Variants in MINDY4B observed in about 807,000 individuals in gnomAD.
MINDY4B encodes inactive ubiquitin carboxyl-terminal hydrolase MINDY-4B.
Under a neutral mutation model 16.7 loss-of-function variants are expected in MINDY4B, and 25 were observed. The observed-to-expected ratio is 1.49, with a 90% CI of 1.09 to 2.09. The LOEUF is 2.09. Ranked by LOEUF, MINDY4B falls within the 30% of genes most tolerant of loss-of-function variation. The pLI is 0.00. For missense variants in MINDY4B, 327 were observed against 168.4 expected, an observed-to-expected ratio of 1.94 and a Z score of -5.21; for synonymous variants, 132 against 61.9, an observed-to-expected ratio of 2.13 and a Z score of -5.32.
chr3:150,878,678 T>C (rs1559964496), intron 10 of MINDY4B, among the ~76,000 whole-genome samples: 1 of 152,212 alleles, frequency 6.6e-6, no homozygotes, highest in Non-Finnish European at 1.5e-5. Context: ...GTTTCCATCC[T>C]TTGCCCCACT....
chr3:150,890,395 A>G lies in MINDY4B; in HGVS notation c.688-10T>C. 1 of 620,142 alleles carries G rather than the reference A, an allele frequency of 1.6e-6. No individual in the cohort carries two copies. 38.4% of individuals were successfully genotyped at this position (620,142 alleles called of 1,614,324 possible). ...ATTCAAACAGCTGGAGCTATAAATC[A>G]GGAACAGAAGATAAAAATGAAAAGG... On this transcript the variant is annotated splice_polypyrimidine_tract_variant and intron_variant, in intron 6 of 11. Coordinates refer to ENST00000465419, the MANE Select transcript of MINDY4B (RefSeq NM_001351281.2).
chr3:150,891,079 C>A lies in MINDY4B; in HGVS notation c.546G>T (p.Glu182Asp). The change falls in exon 6 of 12, where the codon GAG (glutamate) becomes GAT (aspartate). Residue 182 changes from glutamate to aspartate, a missense_variant. Coordinates refer to ENST00000465419, the MANE Select transcript of MINDY4B (RefSeq NM_001351281.2). ...LGNLCEISKK[E>D]QEQALAAALA... ...GCGCCGCGGCCAAGGCTTGCTCCTGCTCCTTCTTGCTTATTTCACATAAGC... is the reference window on the plus strand; with the variant it reads ...GCGCCGCGGCCAAGGCTTGCTCCTGATCCTTCTTGCTTATTTCACATAAGC... 1 of 702,644 alleles carries A rather than the reference C, an allele frequency of 1.4e-6. No individual in the cohort carries two copies. The allele number at this position is 702,644 out of a possible 1,614,324, so 43.5% of individuals were successfully genotyped here.
At chr3:150,885,692 T>C (rs993380861) in intron 7 of MINDY4B, among the ~76,000 whole-genome samples, 1 of 152,164 alleles carries the variant, frequency 6.6e-6, no homozygotes, top group Non-Finnish European at 1.5e-5. Flanking sequence ...ACCATGTGAT[T>C]CTCTTCAAAC....
chr3:150,871,606 T>TG (rs927096845), intron 11 of MINDY4B, among the ~76,000 whole-genome samples: 3 of 150,818 alleles, frequency 2.0e-5, no homozygotes, highest in Non-Finnish European at 4.4e-5. Context: ...CCCAGTACTT[T>TG]GGGGGGCTGA....
chr3:150,899,878 C>T (rs1491002368), intron 3 of MINDY4B, among the ~76,000 whole-genome samples: 1 of 152,234 alleles, frequency 6.6e-6, no homozygotes, highest in Admixed American at 6.5e-5. Context: ...TTCCAAAAAG[C>T]ACACCCTGCC....
At chr3:150,897,767 G>A (rs1054350399) in intron 3 of MINDY4B, among the ~76,000 whole-genome samples, 2 of 152,224 alleles carry the variant, frequency 1.3e-5, no homozygotes, top group African/African-American at 4.8e-5. Context: ...GAAAAACTAT[G>A]TGTTCTCTGT....
chr3:150,885,911 C>G (rs1472392009), intron 7 of MINDY4B, among the ~76,000 whole-genome samples: 1 of 152,206 alleles, frequency 6.6e-6, no homozygotes, highest in Non-Finnish European at 1.5e-5. Flanking sequence ...TTACTAACTT[C>G]TTTGAGTTTC....
At chr3:150,894,146 T>C (rs1711897413) in intron 4 of MINDY4B, 40 bp downstream of exon 4, 4 of 659,632 alleles carry the variant, frequency 6.1e-6, no homozygotes, top group South Asian at 5.1e-5. Context: ...ATAAGGAACA[T>C]GGGAATAAGG....
intron 8 of MINDY4B, among the ~76,000 whole-genome samples, chr3:150,884,639 A>AC (rs1559965827): frequency 2.5e-5 from 2 of 78,932 alleles, no homozygotes; most frequent in Admixed American, 1.0e-4. Context: ...AACATACAGC[A>AC]TAAAATGTGA....
intron 8 of MINDY4B, among the ~76,000 whole-genome samples, chr3:150,884,982 C>G (rs80318472): frequency 0.022 from 3,374 of 152,306 alleles, 134 homozygotes; most frequent in African/African-American, 0.078. Flanking sequence ...GTACTTTCCA[C>G]TGTGCCAAGA....
Position 150,871,177 on chromosome 3 carries a change from G to A in MINDY4B, c.1251C>T (p.Ser417=). 4.3e-6 allele frequency: 3 copies of A among 702,664 alleles called. No homozygotes were observed. The South Asian group carries it at 4.4e-5, about 10-fold the overall frequency. 43.5% of individuals were successfully genotyped at this position (702,664 alleles called of 1,614,324 possible). A position where few individuals can be genotyped will look rare whatever the true frequency, so the allele number is the denominator to read the frequency against. ...CCTGTTGGTCTCTTTCCCAGTGATG[G>A]GAGTGAGTATCTGAAGAAGGAATAG... ...KLVRLTIDTH[S]HHWERDQQEE... The change falls in exon 12 of 12, where the codon TCC becomes TCT. Residue 417 remains serine (S), a synonymous_variant. Transcript: ENST00000465419.
chr3:150,892,358 T>C (rs904713244), intron 5 of MINDY4B, among the ~76,000 whole-genome samples: 4 of 152,248 alleles, frequency 2.6e-5, no homozygotes, highest in Non-Finnish European at 5.9e-5. Flanking sequence ...GGTTTTCTCC[T>C]GAGGGCACTC....
intron 3 of MINDY4B, 39 bp from the exon 4 acceptor site, chr3:150,894,344 T>C (rs1379815993): frequency 6.0e-6 from 4 of 670,788 alleles, no homozygotes; most frequent in Non-Finnish European, 1.1e-5. Flanking sequence ...CAAAAGAGAA[T>C]TCTTCCTAGA....
rs1441901053 is a variant in MINDY4B at position 150,871,203 on chromosome 3, C to G, written c.1241-16G>C. The G allele has an allele frequency of 2.9e-6, 2 of 701,720 alleles. No individual in the cohort carries two copies. Among genetic ancestry groups the G allele is most frequent in the South Asian group, 1.5e-5 (1 of 67,424 alleles). 43.5% of individuals were successfully genotyped at this position (701,720 alleles called of 1,614,324 possible). A position where few individuals can be genotyped will look rare whatever the true frequency, so the allele number is the denominator to read the frequency against. ...GAGTGAGTATCTGAAGAAGGAATAGCCAGCATTTAGACCCAAGCCTATGAA... is the reference window on the plus strand; with the variant it reads ...GAGTGAGTATCTGAAGAAGGAATAGGCAGCATTTAGACCCAAGCCTATGAA... On this transcript the variant is annotated splice_polypyrimidine_tract_variant and intron_variant, in intron 11 of 11. Transcript: ENST00000465419.
At chr3:150,894,549 T>C (rs748261053) in intron 3 of MINDY4B, among the ~76,000 whole-genome samples, 1 of 152,214 alleles carries the variant, frequency 6.6e-6, no homozygotes, top group Non-Finnish European at 1.5e-5. Flanking sequence ...CCGTGGCTGC[T>C]CTGTGTCTAC....
intron 11 of MINDY4B, 67 bp downstream of exon 11, chr3:150,873,116 TGTTA>T (rs773808229): frequency 3.1e-6 from 2 of 637,446 alleles, no homozygotes; most frequent in East Asian, 2.7e-5. Flanking sequence ...TCCACACAGT[TGTTA>T]AACATTGGCA....
intron 4 of MINDY4B, among the ~76,000 whole-genome samples, chr3:150,893,942 C>T (rs1485618475): frequency 1.3e-5 from 2 of 152,218 alleles, no homozygotes; most frequent in Non-Finnish European, 2.9e-5. Context: ...CCACCTGCCT[C>T]AGCCTCCCAA....
intron 5 of MINDY4B, among the ~76,000 whole-genome samples, chr3:150,892,060 C>G (rs1016048000): frequency 6.6e-6 from 1 of 152,156 alleles, no homozygotes; most frequent in African/African-American, 2.4e-5. Flanking sequence ...TGGACTCATC[C>G]TCCAGCTACT....
chr3:150,873,799 A>T (rs897323733), intron 10 of MINDY4B, among the ~76,000 whole-genome samples: 2 of 152,142 alleles, frequency 1.3e-5, no homozygotes, highest in African/African-American at 2.4e-5. Flanking sequence ...TGGTGGTAAG[A>T]CTTCTGGCAA....
Sources: allele counts gnomAD v4.1 joint callset (sites outside exome capture counted in the v4.1 genomes callset), GRCh38; gene constraint gnomAD v4.1.1; transcripts MANE v1.5; gene names NCBI Gene and HGNC (gene_info 2026-07-23, HGNC 2026-07-21).